The following TRPC6 variants were observed in gnomAD, a reference collection of about 807,000 sequenced individuals.
The protein encoded by TRPC6 is short transient receptor potential channel 6.
Under a neutral mutation model 90.7 loss-of-function variants are expected in TRPC6, and 55 were observed. That is an observed-to-expected ratio of 0.61 (90% CI 0.49 to 0.76). The LOEUF (loss-of-function observed/expected upper bound fraction) is 0.76, where lower values mean the gene tolerates loss of function less well. Among genes scored for constraint, TRPC6 ranks in the 30% least tolerant of loss-of-function variants. The pLI is 0.00. For missense variants in TRPC6, 989 were observed against 1,122.7 expected, an observed-to-expected ratio of 0.88 and a Z score of 1.70; for synonymous variants, 393 against 393.0, an observed-to-expected ratio of 1.00 and a Z score of 0.00.
At chr11:101,554,683 G>A (rs566285111) in intron 1 of TRPC6, among the ~76,000 whole-genome samples, 2 of 151,936 alleles carry the variant, frequency 1.3e-5, no homozygotes, top group East Asian at 3.9e-4. Flanking sequence ...CAAAAAGTGA[G>A]GAAAAAATTT....
At chr11:101,512,490 T>C (rs544963126) in intron 1 of TRPC6, among the ~76,000 whole-genome samples, 3 of 152,314 alleles carry the variant, frequency 2.0e-5, no homozygotes, top group Admixed American at 6.5e-5. Flanking sequence ...GAACTTGCCT[T>C]TTTATAAAAC....
Position 101,483,091 on chromosome 11 carries a change from C to A in TRPC6, c.1368G>T (p.Leu456=). Residue 456 remains leucine, a synonymous_variant, in exon 5 of 13, where the codon CTG becomes CTT. Coordinates refer to ENST00000344327, the MANE Select transcript of TRPC6 (RefSeq NM_004621.6). ...HAASFTIFLG[L]LVMNAADRFE... is the part of the protein sequence containing the mutation. ...ATCTGTCAGCTGCATTCATGACTAG[C>A]AGTCCCAGAAAAATGGTGAAGGAGG... 14 of 1,614,108 alleles carry A rather than the reference C, an allele frequency of 8.7e-6. No homozygotes were observed. The highest frequency in any genetic ancestry group is 1.1e-5 in the Non-Finnish European group (13 of 1,179,962).
intron 1 of TRPC6, among the ~76,000 whole-genome samples, chr11:101,548,307 A>C (rs1323220845): frequency 1.5e-5 from 2 of 131,516 alleles, no homozygotes; most frequent in Non-Finnish European, 3.2e-5. Context: ...ATTGAAATAC[A>C]ATATAATATA....
At chr11:101,461,131 CT>C (rs1858995289) in intron 10 of TRPC6, among the ~76,000 whole-genome samples, 1 of 152,116 alleles carries the variant, frequency 6.6e-6, no homozygotes, top group African/African-American at 2.4e-5. Context: ...TGACTGAATT[CT>C]TTTCTGAATA....
At chr11:101,461,590 T>C (rs1859006583) in intron 10 of TRPC6, among the ~76,000 whole-genome samples, 1 of 152,152 alleles carries the variant, frequency 6.6e-6, no homozygotes, top group Non-Finnish European at 1.5e-5. Context: ...GAAATAAAAA[T>C]AAAACGTTTT....
chr11:101,471,493 C>T (rs1859291748), intron 8 of TRPC6, 107 bp from the exon 9 acceptor site: 1 of 1,149,626 alleles, frequency 8.7e-7, no homozygotes, highest in Non-Finnish European at 1.3e-6. Flanking sequence ...TAAACACTCT[C>T]AGACCCCAGT....
chr11:101,453,798 C>G lies in TRPC6; in HGVS notation c.2569-73G>C, dbSNP rs1858820972. The G allele has an allele frequency of 2.1e-6, 3 of 1,410,286 alleles. No homozygotes were observed. In the East Asian group the frequency reaches 6.9e-5, roughly 32 times the overall value. 87.4% of individuals were successfully genotyped at this position (1,410,286 alleles called of 1,614,324 possible). A position where few individuals can be genotyped will look rare whatever the true frequency, so the allele number is the denominator to read the frequency against. On this transcript the variant is annotated intron_variant, in intron 11 of 12. Transcript: ENST00000344327. ...CAAATCTCTCATTTGGAACAAGTTT[C>G]AGAGTCTTCCTCCCTGTAGTGAGCC...
intron 1 of TRPC6, among the ~76,000 whole-genome samples, chr11:101,561,013 G>C (rs1298468689): frequency 6.6e-6 from 1 of 152,130 alleles, no homozygotes; most frequent in Non-Finnish European, 1.5e-5. Context: ...CTTATTGCAT[G>C]AATATTTTTG....
intron 1 of TRPC6, among the ~76,000 whole-genome samples, chr11:101,555,842 A>ATC (rs1488115529): frequency 8.3e-4 from 126 of 152,298 alleles, no homozygotes; most frequent in African/African-American, 2.9e-3. Context: ...TTCAAGACAG[A>ATC]TCACTTGTTA....
At chr11:101,566,122 T>C (rs1861823949) in intron 1 of TRPC6, among the ~76,000 whole-genome samples, 1 of 152,212 alleles carries the variant, frequency 6.6e-6, no homozygotes, top group South Asian at 2.1e-4. Context: ...TAATCTAATC[T>C]GAAAATGATT....
chr11:101,462,006 C>T (rs1859015331), intron 10 of TRPC6, among the ~76,000 whole-genome samples: 1 of 152,050 alleles, frequency 6.6e-6, no homozygotes, highest in Non-Finnish European at 1.5e-5. Flanking sequence ...AGGAAACTCA[C>T]TTGGGGTCCA....
intron 1 of TRPC6, among the ~76,000 whole-genome samples, chr11:101,539,940 A>C (rs1358867843): frequency 2.0e-5 from 3 of 152,242 alleles, no homozygotes; most frequent in Non-Finnish European, 4.4e-5. Flanking sequence ...TTCAGAGTCA[A>C]TCATGGAAGT....
In TRPC6 at chr11:101,540,305, T is replaced by C. The variant is rs186026479; in HGVS notation, c.171-35507A>G. Among the ~76,000 whole-genome samples the C allele has an allele frequency of 1.6e-4, 25 of 152,286 alleles. No homozygotes were observed. In the East Asian group the frequency reaches 1.9e-3, roughly 12 times the overall value. ...AAAGCAATGCAGGGTCTAAGGAACATTGTGAGAGTTAAGCAGACTTAGGTA... is the reference window on the plus strand; with the variant it reads ...AAAGCAATGCAGGGTCTAAGGAACACTGTGAGAGTTAAGCAGACTTAGGTA... On this transcript the variant is annotated intron_variant, in intron 1 of 12. Coordinates refer to ENST00000344327, the MANE Select transcript of TRPC6 (RefSeq NM_004621.6).
intron 5 of TRPC6, among the ~76,000 whole-genome samples, chr11:101,482,104 T>C (rs1343476911): frequency 1.3e-5 from 2 of 152,206 alleles, no homozygotes; most frequent in Non-Finnish European, 2.9e-5. Flanking sequence ...AATCTGTGTA[T>C]GTTCATAATA....
chr11:101,488,828 A>T (rs1252195084), intron 4 of TRPC6, 109 bp downstream of exon 4: 2 of 1,202,692 alleles, frequency 1.7e-6, no homozygotes, highest in Non-Finnish European at 2.4e-6. Context: ...AATAAAGATT[A>T]CTGAAACCCA....
At chr11:101,533,068 G>A (rs1041710023) in intron 1 of TRPC6, among the ~76,000 whole-genome samples, 4 of 152,118 alleles carry the variant, frequency 2.6e-5, no homozygotes, top group African/African-American at 9.7e-5. Context: ...TTAGAAAAAT[G>A]GGATTGAGAA....
chr11:101,466,487 G>A (rs966941272), intron 10 of TRPC6, among the ~76,000 whole-genome samples: 7 of 152,248 alleles, frequency 4.6e-5, no homozygotes, highest in East Asian at 3.9e-4. Context: ...CTTCCTGGCC[G>A]TTTTGTTTAC....
At chr11:101,561,708 C>A (rs1471534872) in intron 1 of TRPC6, among the ~76,000 whole-genome samples, 1 of 151,782 alleles carries the variant, frequency 6.6e-6, no homozygotes, top group African/African-American at 2.4e-5. Flanking sequence ...CAGGGCTAAA[C>A]TTAAACACCC....
chr11:101,507,006 AAC>A (rs10590147), intron 1 of TRPC6, among the ~76,000 whole-genome samples: 81,327 of 130,982 alleles, frequency 0.62, 24,462 homozygotes, highest in Non-Finnish European at 0.68. Context: ...CTCTCTCTCT[AAC>A]ACACACACAC....
Sources: allele counts gnomAD v4.1 joint callset (sites outside exome capture counted in the v4.1 genomes callset), GRCh38; gene constraint gnomAD v4.1.1; transcripts MANE v1.5; gene names NCBI Gene and HGNC (gene_info 2026-07-23, HGNC 2026-07-21).